Variants in PPFIA2 observed in about 807,000 individuals in gnomAD.
PPFIA2 encodes the protein PPFI scaffold protein A2.
In PPFIA2, 46 loss-of-function variants were observed where a neutral mutation model predicts 175.5. The observed-to-expected ratio is 0.26, with a 90% CI of 0.21 to 0.34. The LOEUF is 0.34. Among genes scored for constraint, PPFIA2 ranks in the 10% least tolerant of loss-of-function variants. PPFIA2 has a pLI of 1.00. For missense variants in PPFIA2, 1,179 were observed against 1,506.1 expected, an observed-to-expected ratio of 0.78 and a Z score of 3.60; for synonymous variants, 568 against 511.4, an observed-to-expected ratio of 1.11 and a Z score of -1.49.
intron 17 of PPFIA2, among the ~76,000 whole-genome samples, chr12:81,350,807 A>AC (rs113893371): frequency 0.37 from 56,576 of 151,940 alleles, 12,416 homozygotes; most frequent in African/African-American, 0.61. Context: ...TTATTGTCAT[A>AC]AGGTAAAAAA....
chr12:81,448,975 G>A (rs2051870636), intron 5 of PPFIA2, among the ~76,000 whole-genome samples: 1 of 152,154 alleles, frequency 6.6e-6, no homozygotes, highest in African/African-American at 2.4e-5. Flanking sequence ...TAGAGTCATA[G>A]TACTATGGAC....
At chr12:81,318,644 T>C in intron 22 of PPFIA2, among the ~76,000 whole-genome samples, 1 of 151,766 alleles carries the variant, frequency 6.6e-6, no homozygotes, top group East Asian at 1.9e-4. Context: ...AAGTGCTGGG[T>C]TATGCCACCT....
chr12:81,587,241 G>A (rs1317325152), intron 4 of PPFIA2, among the ~76,000 whole-genome samples: 1 of 151,968 alleles, frequency 6.6e-6, no homozygotes, highest in Non-Finnish European at 1.5e-5. Flanking sequence ...GGAGGGGAGT[G>A]ATTGGATCAT....
intron 3 of PPFIA2, among the ~76,000 whole-genome samples, chr12:81,707,001 AC>A (rs1179044233): frequency 6.6e-6 from 1 of 152,064 alleles, no homozygotes; most frequent in Non-Finnish European, 1.5e-5. Flanking sequence ...CCTTCCTTAC[AC>A]CTTATACAAA....
intron 7 of PPFIA2, among the ~76,000 whole-genome samples, chr12:81,414,743 A>G (rs1247410403): frequency 6.6e-6 from 1 of 151,642 alleles, no homozygotes; most frequent in Non-Finnish European, 1.5e-5. Flanking sequence ...TTAGATTATA[A>G]TGAAGTTGAA....
chr12:81,385,675 T>C (rs2038770451), intron 8 of PPFIA2, among the ~76,000 whole-genome samples: 1 of 152,106 alleles, frequency 6.6e-6, no homozygotes, highest in Admixed American at 6.6e-5. Flanking sequence ...TAGAAGTTGA[T>C]AGAAGAATGG....
intron 24 of PPFIA2, among the ~76,000 whole-genome samples, chr12:81,289,162 C>A (rs1009724156): frequency 1.3e-5 from 2 of 151,752 alleles, no homozygotes; most frequent in African/African-American, 4.8e-5. Context: ...ACATGTAAAG[C>A]GCTTAGAACA....
chr12:81,409,104 C>A (rs1262178112), intron 7 of PPFIA2, among the ~76,000 whole-genome samples: 1 of 152,078 alleles, frequency 6.6e-6, no homozygotes, highest in Non-Finnish European at 1.5e-5. Context: ...ATTCTCTTAG[C>A]TGGTTTGAGA....
chr12:81,514,368 A>G (rs1414403735), intron 4 of PPFIA2, among the ~76,000 whole-genome samples: 6 of 152,002 alleles, frequency 3.9e-5, no homozygotes, highest in Non-Finnish European at 8.8e-5. Context: ...CTTCACTGTT[A>G]CATTCTATCA....
chr12:81,751,679 A>T (rs1487765930), intron 3 of PPFIA2, among the ~76,000 whole-genome samples: 1 of 152,122 alleles, frequency 6.6e-6, no homozygotes, highest in African/African-American at 2.4e-5. Flanking sequence ...GATTTAGATA[A>T]AAGGCTGGGC....
chr12:81,619,598 C>T (rs942585718), intron 4 of PPFIA2, among the ~76,000 whole-genome samples: 2 of 151,984 alleles, frequency 1.3e-5, no homozygotes, highest in African/African-American at 4.8e-5. Flanking sequence ...TTTTTGCAAA[C>T]AAAATGCTAA....
At chr12:81,378,542 T>G (rs2036920404) in intron 9 of PPFIA2, among the ~76,000 whole-genome samples, 1 of 152,198 alleles carries the variant, frequency 6.6e-6, no homozygotes, top group Non-Finnish European at 1.5e-5. Flanking sequence ...CACTTTTGAC[T>G]TTTTCTACTT....
chr12:81,535,398 C>T (rs900405725), intron 4 of PPFIA2: 6 of 455,222 alleles, frequency 1.3e-5, no homozygotes, highest in Non-Finnish European at 2.2e-5. Flanking sequence ...CAGAACAACA[C>T]TTGAAAGACA....
intron 4 of PPFIA2, among the ~76,000 whole-genome samples, chr12:81,652,759 A>G (rs539516164): frequency 6.6e-6 from 1 of 152,034 alleles, no homozygotes; most frequent in East Asian, 1.9e-4. Flanking sequence ...CACTATTCCC[A>G]TATCATTATA....
intron 4 of PPFIA2, among the ~76,000 whole-genome samples, chr12:81,595,696 A>T (rs11114926): frequency 0.27 from 41,723 of 152,034 alleles, 6,177 homozygotes; most frequent in African/African-American, 0.38. Flanking sequence ...TTGTACTAAG[A>T]ATATCCTTCA....
At chr12:81,687,515 C>A (rs1278639832) in intron 3 of PPFIA2, 1 of 151,984 alleles carries the variant, frequency 6.6e-6, no homozygotes, top group Non-Finnish European at 1.5e-5. Context: ...TCTACTCTAG[C>A]ACAACAGAGG....
chr12:81,418,126 T>C (rs2045637706), intron 7 of PPFIA2, among the ~76,000 whole-genome samples: 1 of 151,788 alleles, frequency 6.6e-6, no homozygotes, highest in Non-Finnish European at 1.5e-5. Context: ...AAAAAGGAAA[T>C]TGCCTATGGT....
chr12:81,321,278 G>GC (rs1288231384), intron 22 of PPFIA2, among the ~76,000 whole-genome samples: 1 of 152,054 alleles, frequency 6.6e-6, no homozygotes, highest in African/African-American at 2.4e-5. Flanking sequence ...TTTGCCACTT[G>GC]CCCTATCATC....
chr12:81,717,223 C>A (rs1317223457), intron 3 of PPFIA2, among the ~76,000 whole-genome samples: 1 of 151,694 alleles, frequency 6.6e-6, no homozygotes, highest in African/African-American at 2.4e-5. Context: ...AGTTCCAATA[C>A]AACTTTATGG....
Sources: allele counts gnomAD v4.1 joint callset (sites outside exome capture counted in the v4.1 genomes callset), GRCh38; gene constraint gnomAD v4.1.1; transcripts MANE v1.5; gene names NCBI Gene and HGNC (gene_info 2026-07-23, HGNC 2026-07-21).